Variants in KRT2 observed in about 807,000 individuals in gnomAD.
KRT2 encodes keratin 2, also known as keratin, type II cytoskeletal 2 epidermal.
A neutral mutation model predicts 48.5 loss-of-function variants in KRT2; 37 were observed. The ratio of observed to expected loss-of-function variants is 0.76; its 90% CI spans 0.59 to 1.00. The LOEUF is 1.00. Ranked by LOEUF, KRT2 falls within the 50% of genes least tolerant of loss-of-function variation. The pLI is 0.00. For missense variants in KRT2, 880 were observed against 815.2 expected, an observed-to-expected ratio of 1.08 and a Z score of -0.97; for synonymous variants, 324 against 312.2, an observed-to-expected ratio of 1.04 and a Z score of -0.40.
chr12:52,648,353 AGGTCT>A lies in KRT2; in HGVS notation c.958-21_958-17del. The A allele has an allele frequency of 6.2e-7, 1 of 1,612,724 alleles. No individual in the cohort carries two copies. The highest frequency in any genetic ancestry group is 8.5e-7 in the Non-Finnish European group (1 of 1,178,714). The stretch of plus-strand genomic sequence containing the variant: ...GGGATATCTCCTACAACACACAGGA[AGGTCT>A]GGTCATGACATCCTGCCATAGCTAC... On this transcript the variant is annotated splice_polypyrimidine_tract_variant and intron_variant, in intron 4 of 8. Transcript: ENST00000309680.
chr12:52,649,958 T>G lies in KRT2; in HGVS notation c.817A>C (p.Asn273His). The change falls in exon 3 of 9, where the codon AAT becomes CAT. Residue 273 changes from asparagine to histidine, a missense_variant. Transcript: ENST00000309680. ...TCATTCTCAGCAGCTGTGCGCTTATTGATTTCATCCTCATACCTATTGGGA... is the reference window on the plus strand; with the variant it reads ...TCATTCTCAGCAGCTGTGCGCTTATGGATTTCATCCTCATACCTATTGGGA... The part of the protein sequence containing the change: ...DYKKKYEDEI[N>H]KRTAAENDFV... The G allele has an allele frequency of 6.2e-7, 1 of 1,613,110 alleles. No homozygotes were observed. Among genetic ancestry groups the G allele is most frequent in the South Asian group, 1.1e-5 (1 of 91,056 alleles).
At chr12:52,648,453 T>C (rs950994412) in intron 4 of KRT2, 116 bp from the exon 5 acceptor site, 10 of 900,896 alleles carry the variant, frequency 1.1e-5, no homozygotes, top group Non-Finnish European at 1.9e-5. Context: ...ATACACTAGG[T>C]GGGATGAAAA....
chr12:52,645,861 C>T (rs531004610), intron 7 of KRT2, among the ~76,000 whole-genome samples: 1 of 152,264 alleles, frequency 6.6e-6, no homozygotes, highest in South Asian at 2.1e-4. Context: ...ACTTTGCAAC[C>T]CATTTGTGTA....
At chr12:52,645,495 C>A (rs766462740) in intron 8 of KRT2, 40 bp downstream of exon 8, 18 of 1,613,994 alleles carry the variant, frequency 1.1e-5, no homozygotes, top group Middle Eastern at 1.6e-4. Flanking sequence ...CTCCACCTGA[C>A]ACAACACCCC....
chr12:52,645,736 A>AC, intron 7 of KRT2, among the ~76,000 whole-genome samples, 167 bp from the exon 8 acceptor site: 1 of 152,146 alleles, frequency 6.6e-6, no homozygotes, highest in African/African-American at 2.4e-5. Context: ...ATGACGACAG[A>AC]CCCCCTTCCA....
Position 52,650,572 on chromosome 12 carries a change from G to C in KRT2, c.586-19C>G. On this transcript the variant is annotated intron_variant, in intron 1 of 8. Coordinates refer to ENST00000309680, the MANE Select transcript of KRT2 (RefSeq NM_000423.3). ...ACCGCACCTGCCATGACCAGAAGGAGAGCACATGAGTTCTAGATCATCCTT... is the reference window on the plus strand; with the variant it reads ...ACCGCACCTGCCATGACCAGAAGGACAGCACATGAGTTCTAGATCATCCTT... 6.2e-7 allele frequency: 1 copy of C among 1,602,040 alleles called. No homozygotes were observed. Among genetic ancestry groups the C allele is most frequent in the Non-Finnish European group, 8.5e-7 (1 of 1,170,624 alleles).
At position 52,645,006 on chromosome 12, in the gene KRT2, TGGG is replaced by T. The variant is rs1941139953; in HGVS notation, c.*10_*12del. On this transcript the variant is annotated 3_prime_UTR_variant, in exon 9 of 9. Transcript: ENST00000309680. ...TCTGGGTTGGGAGAGTCGGTGGTGG[TGGG>T]GGCTCATCTTTATCTAAAAGAGAAG... 6 of 1,613,932 alleles carry T rather than the reference TGGG, an allele frequency of 3.7e-6. No homozygotes were observed. The highest frequency in any genetic ancestry group is 2.5e-6 in the Non-Finnish European group (3 of 1,179,928).
rs61929583 is a variant in KRT2, at chr12:52,647,708, G to A, written c.1248+22C>T. ...ACCCAGAGACAACCTCCCGCCCCTC[G>A]CTGGACAGGGCTGGGCCTCACCTGC... On this transcript the variant is annotated intron_variant, in intron 6 of 8. Coordinates refer to ENST00000309680, the MANE Select transcript of KRT2 (RefSeq NM_000423.3). The A allele has an allele frequency of 8.9e-3, 14,281 of 1,612,746 alleles. 298 individuals carry two copies. Among genetic ancestry groups the A allele is most frequent in the South Asian group, 0.059 (5,392 of 90,682 alleles).
In KRT2 at chr12:52,651,918, A is replaced by G. The variant is rs773872918; in HGVS notation, c.225T>C (p.Ser75=). ...CAAAGCCACCACCTCCTCCAGCCAC[A>G]CTAATGGAGATGCTCTTGGTCCCTC... ...GLGGTKSISI[S]VAGGGGGFGA... The change falls in exon 1 of 9, where the codon AGT becomes AGC. Residue 75 remains serine, a synonymous_variant. Coordinates refer to ENST00000309680, the MANE Select transcript of KRT2 (RefSeq NM_000423.3). 1 of 1,613,608 alleles carries G rather than the reference A, an allele frequency of 6.2e-7. No individual in the cohort carries two copies. Among genetic ancestry groups the G allele is most frequent in the Non-Finnish European group, 8.5e-7 (1 of 1,179,910 alleles).
intron 1 of KRT2, 57 bp from the exon 2 acceptor site, chr12:52,650,610 G>A (rs938059409): frequency 3.5e-6 from 5 of 1,439,958 alleles, no homozygotes; most frequent in Non-Finnish European, 4.9e-6. Context: ...CACCAAGCAA[G>A]CCACGCTGGC....
intron 4 of KRT2, 119 bp downstream of exon 4, chr12:52,648,888 C>A: frequency 2.7e-6 from 2 of 733,338 alleles, no homozygotes; most frequent in East Asian, 2.6e-5. Context: ...GGAATGATGG[C>A]AGATTGAAGT....
At chr12:52,645,501 A>T (rs1438452418) in intron 8 of KRT2, 34 bp downstream of exon 8, 6 of 1,613,758 alleles carry the variant, frequency 3.7e-6, no homozygotes, top group Non-Finnish European at 5.1e-6. Context: ...CTGACACAAC[A>T]CCCCATGGAA....
At position 52,649,121 on chromosome 12, in the gene KRT2, C is replaced by T. The variant is rs375231631; in HGVS notation, c.862-19G>A. ...CCACGTCCTGCAAGAAAGGTTGAGG[C>T]CTCTGGTGTATGGTTCCCTGTACAG... On this transcript the variant is annotated intron_variant, in intron 3 of 8. Coordinates refer to ENST00000309680, the MANE Select transcript of KRT2 (RefSeq NM_000423.3). 455 of 1,515,070 alleles carry T rather than the reference C, an allele frequency of 3.0e-4. 2 individuals are homozygous for T. Among genetic ancestry groups the T allele is most frequent in the Middle Eastern group, 7.3e-4 (4 of 5,480 alleles). The allele number at this position is 1,515,070 out of a possible 1,614,324, so 93.9% of individuals were successfully genotyped here.
In KRT2 at chr12:52,644,843, G is replaced by T; in HGVS notation, c.*176C>A. The T allele has an allele frequency of 1.4e-6, 1 of 694,032 alleles. No individual in the cohort carries two copies. 43.0% of individuals were successfully genotyped at this position (694,032 alleles called of 1,614,324 possible). On this transcript the variant is annotated 3_prime_UTR_variant, in exon 9 of 9. Coordinates refer to ENST00000309680, the MANE Select transcript of KRT2 (RefSeq NM_000423.3). ...AGGCGTCACTGGCTCTAACTAACTG[G>T]TTTGGAGAGAAGATCTTTCAAAAAC...
chr12:52,650,671 G>A, intron 1 of KRT2, 118 bp from the exon 2 acceptor site: 3 of 825,312 alleles, frequency 3.6e-6, no homozygotes, highest in Non-Finnish European at 6.2e-6. Context: ...TCTGAGGCTG[G>A]ATGCCGAGTC....
intron 2 of KRT2, 81 bp downstream of exon 2, chr12:52,650,258 G>A (rs1941228455): frequency 8.3e-6 from 10 of 1,204,660 alleles, no homozygotes; most frequent in Non-Finnish European, 1.2e-5. Flanking sequence ...ATGCAACTGG[G>A]AGATGAATGG....
At chr12:52,646,350 C>T (rs778286712) in intron 7 of KRT2, among the ~76,000 whole-genome samples, 1 of 152,194 alleles carries the variant, frequency 6.6e-6, no homozygotes, top group South Asian at 2.1e-4. Flanking sequence ...CAGCACATTC[C>T]GAGACATCAT....
Position 52,652,115 on chromosome 12 carries a change from G to A in KRT2, c.28C>T (p.Arg10Ter), listed in dbSNP as rs896757160. MSCQISCKS[R>*]GRGGGGGGFR... ...CCTCCTCCACCTCCTCCTCTTCCTC[G>A]AGATTTGCAAGAGATCTGACAACTC... Residue 10 changes from arginine (R) to a stop codon, truncating the protein, a stop_gained, in exon 1 of 9, where the codon CGA becomes TGA. Coordinates refer to ENST00000309680, the MANE Select transcript of KRT2 (RefSeq NM_000423.3). LOFTEE classifies it high-confidence loss of function. 4.5e-6 allele frequency: 7 copies of A among 1,562,790 alleles called. No individual in the cohort carries two copies. Among genetic ancestry groups the A allele is most frequent in the East Asian group, 4.6e-5 (2 of 43,298 alleles).
chr12:52,644,850 G>T lies in KRT2; in HGVS notation c.*169C>A, dbSNP rs1941137046. ...ACTGGCTCTAACTAACTGGTTTGGA[G>T]AGAAGATCTTTCAAAAACTGTATGT... On this transcript the variant is annotated 3_prime_UTR_variant, in exon 9 of 9. Transcript: ENST00000309680. The T allele has an allele frequency of 2.8e-6, 2 of 709,314 alleles. No individual in the cohort carries two copies. Among genetic ancestry groups the T allele is most frequent in the Non-Finnish European group, 2.4e-6 (1 of 424,368 alleles). 43.9% of individuals were successfully genotyped at this position (709,314 alleles called of 1,614,324 possible). A position where few individuals can be genotyped will look rare whatever the true frequency, so the allele number is the denominator to read the frequency against.
Sources: gnomAD v4.1 joint callset for allele counts (sites outside exome capture counted in the v4.1 genomes callset) on GRCh38, gnomAD v4.1.1 for gene constraint, MANE v1.5 for transcripts, NCBI Gene and HGNC (gene_info 2026-07-23, HGNC 2026-07-21) for gene names.